Variants in NTN4 observed in about 807,000 individuals in gnomAD.
NTN4 encodes the protein netrin-4.
In NTN4, 32 loss-of-function variants were observed where a neutral mutation model predicts 73.6. That is an observed-to-expected ratio of 0.44 (90% CI 0.33 to 0.58). The LOEUF (loss-of-function observed/expected upper bound fraction) is 0.58, where lower values mean the gene tolerates loss of function less well. Ranked by LOEUF, NTN4 falls within the 20% of genes least tolerant of loss-of-function variation. The pLI is 0.04. For synonymous variants in NTN4, 258 were observed against 287.5 expected, an observed-to-expected ratio of 0.90 and a Z score of 1.04; for missense variants, 654 against 798.3, an observed-to-expected ratio of 0.82 and a Z score of 2.18.
At chr12:95,678,349 TAAA>T (rs59083360) in intron 7 of NTN4, among the ~76,000 whole-genome samples, 52,398 of 110,664 alleles carry the variant, frequency 0.47, 9,423 homozygotes, top group Middle Eastern at 0.57. Context: ...GAACTTAAAG[TAAA>T]AAAAAAAAAA....
chr12:95,713,197 G>C lies in NTN4; in HGVS notation c.991+15C>G. The C allele has an allele frequency of 6.2e-7, 1 of 1,607,928 alleles. No homozygotes were observed. Among genetic ancestry groups the C allele is most frequent in the Non-Finnish European group, 8.5e-7 (1 of 1,175,174 alleles). ...TACAAAGAAAGCTTTTGAGTATCGT[G>C]GGCTTGTTACTTACTTCTGCACTCG... is the stretch of plus-strand genomic sequence containing the variant. On this transcript the variant is annotated intron_variant, in intron 4 of 9. Coordinates refer to ENST00000343702, the MANE Select transcript of NTN4 (RefSeq NM_021229.4).
chr12:95,776,830 G>A (rs998884569), intron 2 of NTN4, among the ~76,000 whole-genome samples: 5 of 152,030 alleles, frequency 3.3e-5, no homozygotes, highest in South Asian at 4.1e-4. Flanking sequence ...GATACTCCTC[G>A]AGAAGAGCAA....
intron 5 of NTN4, among the ~76,000 whole-genome samples, chr12:95,688,990 C>A (rs2078382858): frequency 6.6e-6 from 1 of 151,954 alleles, no homozygotes. Flanking sequence ...TCTCTTTAAC[C>A]AATAATCATT....
chr12:95,671,003 T>C (rs573095312), intron 7 of NTN4: 1 of 152,268 alleles, frequency 6.6e-6, no homozygotes, highest in Non-Finnish European at 1.5e-5. Context: ...TATTTATTTA[T>C]TTATTTATCT....
At chr12:95,771,278 C>T (rs894986225) in intron 2 of NTN4, among the ~76,000 whole-genome samples, 1 of 152,146 alleles carries the variant, frequency 6.6e-6, no homozygotes, top group African/African-American at 2.4e-5. Flanking sequence ...CGTGAGCCAC[C>T]GCGCGGGGCC....
intron 2 of NTN4, among the ~76,000 whole-genome samples, chr12:95,784,209 C>T (rs1326418536): frequency 6.6e-6 from 1 of 152,066 alleles, no homozygotes; most frequent in East Asian, 1.9e-4. Flanking sequence ...GTTGAAACTG[C>T]GAAATAAATT....
At chr12:95,786,430 A>T (rs1425677407) in intron 2 of NTN4, among the ~76,000 whole-genome samples, 1 of 152,272 alleles carries the variant, frequency 6.6e-6, no homozygotes, top group African/African-American at 2.4e-5. Flanking sequence ...CTGTGAGCCC[A>T]GAAGAACCTT....
chr12:95,693,849 T>C (rs1348600592), intron 5 of NTN4, among the ~76,000 whole-genome samples: 2 of 151,620 alleles, frequency 1.3e-5, no homozygotes, highest in East Asian at 1.9e-4. Context: ...CCCTGAAATG[T>C]CATATAGGAC....
chr12:95,763,613 CCT>C (rs1224764810), intron 2 of NTN4, among the ~76,000 whole-genome samples: 3 of 152,234 alleles, frequency 2.0e-5, no homozygotes, highest in African/African-American at 7.2e-5. Flanking sequence ...TAGCAGATGA[CCT>C]CTCTGTAACT....
intron 7 of NTN4, chr12:95,673,028 C>G: frequency 6.8e-7 from 1 of 1,466,982 alleles, no homozygotes; most frequent in East Asian, 2.3e-5. Flanking sequence ...CTGTGTAAAG[C>G]CATGGAAGCT....
intron 3 of NTN4, among the ~76,000 whole-genome samples, chr12:95,733,969 C>T (rs1481097844): frequency 6.7e-6 from 1 of 149,840 alleles, no homozygotes; most frequent in East Asian, 2.0e-4. Context: ...CCTTGGGAGG[C>T]TGAGGCATGA....
chr12:95,771,930 G>A (rs957735397), intron 2 of NTN4, among the ~76,000 whole-genome samples: 2 of 152,066 alleles, frequency 1.3e-5, no homozygotes, highest in Non-Finnish European at 2.9e-5. Context: ...TCTCTCACCT[G>A]TGATTTTAGA....
chr12:95,663,703 T>C (rs747117525), intron 9 of NTN4: 3 of 152,260 alleles, frequency 2.0e-5, no homozygotes, highest in Non-Finnish European at 4.4e-5. Context: ...TCCAGTCTTT[T>C]CTTCAAAGCA....
At chr12:95,722,198 G>T (rs1394025008) in intron 3 of NTN4, among the ~76,000 whole-genome samples, 1 of 151,048 alleles carries the variant, frequency 6.6e-6, no homozygotes, top group Non-Finnish European at 1.5e-5. Flanking sequence ...ATGAAATAAA[G>T]CAAAAACAAA....
At position 95,658,252 on chromosome 12, in the gene NTN4, T is replaced by G. The variant is rs946396383; in HGVS notation, c.*834A>C. On this transcript the variant is annotated 3_prime_UTR_variant, in exon 10 of 10. Transcript: ENST00000343702. Reference sequence around the variant, plus strand: ...CATTTCCCCTTTAGCCAAGCATATGTCTACATTTATGATTTCTTTCTCTTA... The same window carrying G: ...CATTTCCCCTTTAGCCAAGCATATGGCTACATTTATGATTTCTTTCTCTTA... The G allele has an allele frequency of 6.6e-6, 1 of 152,224 alleles. No homozygotes were observed. The highest frequency in any genetic ancestry group is 1.5e-5 in the Non-Finnish European group (1 of 68,034). The allele number at this position is 152,224 out of a possible 1,614,324, so 9.4% of individuals were successfully genotyped here. A position where few individuals can be genotyped will look rare whatever the true frequency, so the allele number is the denominator to read the frequency against.
rs1019581223 is a variant in NTN4, at chr12:95,789,469, G to A, written c.55+786C>T. ...TGACCCGCAAGAGGGAGGGAGAGGAGCAGAAGGGGCTCCCGAATACAGAAA... is the reference window on the plus strand; with the variant it reads ...TGACCCGCAAGAGGGAGGGAGAGGAACAGAAGGGGCTCCCGAATACAGAAA... On this transcript the variant is annotated intron_variant, in intron 1 of 9. Coordinates refer to ENST00000343702, the MANE Select transcript of NTN4 (RefSeq NM_021229.4). The surrounding 1 kb of genome is among the most constrained non-coding windows in gnomAD (Gnocchi z 4.0). Among the ~76,000 whole-genome samples the A allele has an allele frequency of 6.6e-6, 1 of 152,222 alleles. No homozygotes were observed. The highest frequency in any genetic ancestry group is 1.9e-4 in the East Asian group (1 of 5,204).
intron 4 of NTN4, among the ~76,000 whole-genome samples, chr12:95,712,903 G>A (rs2078575801): frequency 6.7e-6 from 1 of 149,372 alleles, no homozygotes; most frequent in African/African-American, 2.5e-5. Context: ...CTCCCAAAGT[G>A]CTGAAATTAC....
chr12:95,685,393 G>T (rs960360126), intron 5 of NTN4, among the ~76,000 whole-genome samples: 2 of 152,268 alleles, frequency 1.3e-5, no homozygotes, highest in African/African-American at 2.4e-5. Context: ...AGAAACCTTG[G>T]TTGACGGCTC....
chr12:95,786,509 AT>A (rs546262058), intron 2 of NTN4, among the ~76,000 whole-genome samples: 4 of 151,786 alleles, frequency 2.6e-5, no homozygotes, highest in Admixed American at 1.3e-4. Context: ...TGTCAAACAG[AT>A]TTTTTTTTCT....
Sources: allele counts gnomAD v4.1 joint callset (sites outside exome capture counted in the v4.1 genomes callset), GRCh38; gene constraint gnomAD v4.1.1; non-coding constraint Gnocchi (gnomAD v3.1); transcripts MANE v1.5; gene names NCBI Gene and HGNC (gene_info 2026-07-23, HGNC 2026-07-21).